The following PC variants were observed in gnomAD, a reference collection of about 807,000 sequenced individuals.
PC encodes pyruvate carboxylase.
PC carries 46 observed loss-of-function variants against 107.8 expected under a neutral mutation model. The observed-to-expected ratio is 0.43, with a 90% confidence interval of 0.34 to 0.55. The LOEUF is 0.55. Ranked by LOEUF, PC falls within the 20% of genes least tolerant of loss-of-function variation. The probability of loss-of-function intolerance (pLI) is 0.04; values close to 1 mark genes in which losing one functional copy is unlikely to be tolerated. For synonymous variants in PC, 662 were observed against 684.7 expected (o/e 0.97, Z 0.52); for missense variants, 1,241 against 1,643.1 (o/e 0.76, Z 4.23).
chr11:66,899,963 T>A (rs1020226215), intron 3 of PC, among the ~76,000 whole-genome samples: 4 of 152,226 alleles, frequency 2.6e-5, no homozygotes, highest in Admixed American at 2.6e-4. Flanking sequence ...CATGCAGATA[T>A]ACAGTTGTTT....
chr11:66,849,912 T>A, intron 20 of PC, 25 bp downstream of exon 20: 1 of 1,613,486 alleles, frequency 6.2e-7, no homozygotes, highest in Non-Finnish European at 8.5e-7. Context: ...GCCCCCACCC[T>A]CACACCATGC....
chr11:66,894,696 C>T (rs1462688229), intron 3 of PC, among the ~76,000 whole-genome samples: 1 of 152,030 alleles, frequency 6.6e-6, no homozygotes, highest in Non-Finnish European at 1.5e-5. Flanking sequence ...AACGGGCTGC[C>T]GTGTATAAAG....
intron 12 of PC, among the ~76,000 whole-genome samples, chr11:66,862,325 C>A (rs1243318844): frequency 2.6e-5 from 4 of 152,182 alleles, no homozygotes; most frequent in Non-Finnish European, 4.4e-5. Flanking sequence ...GACAGGCTGG[C>A]CACACACACA....
At chr11:66,958,061 G>T (rs1312057458) in intron 1 of PC, 1 of 151,324 alleles carries the variant, frequency 6.6e-6, no homozygotes, top group Non-Finnish European at 1.5e-5. Context: ...AGGGGCGCTC[G>T]GGGGCTGCAG....
chr11:66,864,476 GTTTGTT>G (rs1946409830), intron 11 of PC, among the ~76,000 whole-genome samples: 1 of 152,288 alleles, frequency 6.6e-6, no homozygotes, highest in African/African-American at 2.4e-5. Context: ...CTGACCGGGG[GTTTGTT>G]TTTGTTTTTA....
chr11:66,860,338 C>A (rs1381502933), intron 12 of PC: 1 of 1,262,842 alleles, frequency 7.9e-7, no homozygotes, highest in African/African-American at 1.5e-5. Context: ...GGCAGGGAGC[C>A]CTTTCCTCGG....
chr11:66,852,562 T>C lies in PC; in HGVS notation c.1702A>G (p.Thr568Ala), dbSNP rs199969388. ...GACTGGTGGGCGTCCCTGAAGGTCG[T>C]GTCCATCAGCAGCAGCCCCGGGTGG... ...RNHPGLLLMDTTFRDAHQSLL... is the reference protein window; with the variant it reads ...RNHPGLLLMDATFRDAHQSLL... The change falls in exon 15 of 23, where the codon ACG (threonine) becomes GCG (alanine). Residue 568 changes from threonine (T) to alanine (A), a missense_variant. Transcript: ENST00000393960. This position sits in a 1 kb window ranked among gnomAD's most constrained non-coding sequence, Gnocchi z 4.7. 306 of 1,613,986 alleles carry C rather than the reference T, an allele frequency of 1.9e-4. No homozygotes were observed. In the East Asian group the frequency reaches 6.4e-3, roughly 34 times the overall value.
intron 12 of PC, 68 bp from the exon 13 acceptor site, chr11:66,853,451 G>A: frequency 1.3e-6 from 2 of 1,588,638 alleles, no homozygotes; most frequent in Non-Finnish European, 1.7e-6. Flanking sequence ...AGGAGAAAAG[G>A]CTGAAAGAGA....
intron 11 of PC, among the ~76,000 whole-genome samples, chr11:66,864,159 C>T (rs757657606): frequency 1.3e-5 from 2 of 152,236 alleles, no homozygotes; most frequent in African/African-American, 2.4e-5. Context: ...CTACGTGCCA[C>T]GCAGTCACTG....
At chr11:66,938,613 T>G (rs1284256237) in intron 3 of PC, among the ~76,000 whole-genome samples, 1 of 152,206 alleles carries the variant, frequency 6.6e-6, no homozygotes, top group Non-Finnish European at 1.5e-5. Flanking sequence ...AGAAAATTTT[T>G]TAAACACATA....
chr11:66,951,950 C>G (rs1268870745), intron 3 of PC, among the ~76,000 whole-genome samples: 1 of 151,858 alleles, frequency 6.6e-6, no homozygotes, highest in Admixed American at 6.6e-5. Flanking sequence ...GTAAAATGTG[C>G]AGGGGAAGAA....
At chr11:66,945,987 G>C (rs959134078) in intron 3 of PC, among the ~76,000 whole-genome samples, 3 of 150,942 alleles carry the variant, frequency 2.0e-5, no homozygotes, top group African/African-American at 7.3e-5. Context: ...TCGGGAGGCT[G>C]AGGCAGGAGA....
chr11:66,863,197 G>A (rs1322496270), intron 12 of PC, among the ~76,000 whole-genome samples: 2 of 152,084 alleles, frequency 1.3e-5, no homozygotes, highest in African/African-American at 2.4e-5. Context: ...AAAATTAGCC[G>A]GGCGTGGTGG....
intron 3 of PC, among the ~76,000 whole-genome samples, chr11:66,891,667 C>T (rs1374621991): frequency 1.3e-5 from 2 of 152,248 alleles, no homozygotes; most frequent in African/African-American, 4.8e-5. Flanking sequence ...GCTGGGATTA[C>T]AGGCGTGAGC....
intron 3 of PC, among the ~76,000 whole-genome samples, chr11:66,891,813 T>C (rs1210081845): frequency 2.0e-5 from 3 of 152,238 alleles, no homozygotes; most frequent in Non-Finnish European, 4.4e-5. Context: ...CCAACTGTTA[T>C]ATTGTTAGAC....
chr11:66,857,627 C>G lies in PC; in HGVS notation c.1369-4244G>C. 4 of 1,191,928 alleles carry G rather than the reference C, an allele frequency of 3.4e-6. No individual in the cohort carries two copies. In the South Asian group the frequency reaches 4.8e-5, roughly 14 times the overall value. The allele number at this position is 1,191,928 out of a possible 1,614,324, so 73.8% of individuals were successfully genotyped here. ...CGGCCCTCTTGGGCCTCTGACCCAG[C>G]CCCTCCCCGGGCCAGGCTCACAGAA... On this transcript the variant is annotated intron_variant, in intron 12 of 22. Transcript: ENST00000393960. The surrounding 1 kb of genome is among the most constrained non-coding windows in gnomAD (Gnocchi z 7.1).
chr11:66,927,719 G>A (rs546226460), intron 3 of PC, among the ~76,000 whole-genome samples: 6 of 144,532 alleles, frequency 4.2e-5, no homozygotes, highest in Non-Finnish European at 7.5e-5. Flanking sequence ...GCGAAAGTCC[G>A]TCTCAAAAAA....
chr11:66,882,648 G>A (rs1181125175), intron 3 of PC, among the ~76,000 whole-genome samples: 1 of 152,248 alleles, frequency 6.6e-6, no homozygotes, highest in Non-Finnish European at 1.5e-5. Flanking sequence ...ACCAGGCTGT[G>A]CCCCTAGCCC....
intron 3 of PC, among the ~76,000 whole-genome samples, chr11:66,932,593 G>A (rs1948888111): frequency 6.6e-6 from 1 of 152,174 alleles, no homozygotes; most frequent in African/African-American, 2.4e-5. Context: ...TGCTAGGAAT[G>A]GCTGCATTTG....
Sources: allele counts gnomAD v4.1 joint callset (sites outside exome capture counted in the v4.1 genomes callset), GRCh38; gene constraint gnomAD v4.1.1; non-coding constraint Gnocchi (gnomAD v3.1); transcripts MANE v1.5; gene names NCBI Gene and HGNC (gene_info 2026-07-23, HGNC 2026-07-21).